The following IL27RA variants were observed in gnomAD, a reference collection of about 807,000 sequenced individuals.
IL27RA encodes the protein interleukin-27 receptor subunit alpha.
A neutral mutation model predicts 80.8 loss-of-function variants in IL27RA; 61 were observed. That is an observed-to-expected ratio of 0.76 (90% CI 0.61 to 0.93). The LOEUF is 0.93. Ranked by LOEUF, IL27RA falls within the 40% of genes least tolerant of loss-of-function variation. The pLI, the probability that IL27RA is intolerant of heterozygous loss-of-function variation, is 0.00. For missense variants in IL27RA, 735 were observed against 808.1 expected, an observed-to-expected ratio of 0.91 and a Z score of 1.10; for synonymous variants, 316 against 332.5, an observed-to-expected ratio of 0.95 and a Z score of 0.54.
Position 14,042,490 on chromosome 19 carries a change from T to C in IL27RA, c.572T>C (p.Val191Ala), listed in dbSNP as rs766367542. ...CTGAAGACCATACCCCTGACCCCTG[T>C]TGAGATCCAAGATTTGGAGCTAGCC... The part of the protein sequence containing the change: ...PELKTIPLTP[V>A]EIQDLELATG... The change falls in exon 5 of 14, where the codon GTT becomes GCT. Residue 191 changes from valine (V) to alanine (A), a missense_variant. Val to Ala is a moderately conservative substitution (Grantham distance 64). Coordinates refer to ENST00000263379, the MANE Select transcript of IL27RA (RefSeq NM_004843.4). 1 of 1,614,178 alleles carries C rather than the reference T, an allele frequency of 6.2e-7. No individual in the cohort carries two copies. The highest frequency in any genetic ancestry group is 8.5e-7 in the Non-Finnish European group (1 of 1,180,022).
chr19:14,037,834 C>CTCTTTTTTTTT (rs77898584), intron 2 of IL27RA, among the ~76,000 whole-genome samples: 11,631 of 127,168 alleles, frequency 0.091, 657 homozygotes, highest in East Asian at 0.22. Flanking sequence ...CTCTCTCTCT[C>CTCTTTTTTTTT]TTTTTTTTTT....
rs74427021 is a variant in IL27RA, at chr19:14,047,961, AT to A, written c.1142-1007del. 4.1e-3 allele frequency among the ~76,000 whole-genome samples: 535 copies of A among 128,936 alleles called. 2 individuals carry two copies. The Middle Eastern group carries it at 0.045, about 11-fold the overall frequency. 84.6% of individuals were successfully genotyped at this position (128,936 alleles called of 152,430 possible). On this transcript the variant is annotated intron_variant, in intron 8 of 13. Coordinates refer to ENST00000263379, the MANE Select transcript of IL27RA (RefSeq NM_004843.4). The stretch of plus-strand genomic sequence containing the variant: ...TCAGGCATGAGCCACCGCACCCGGC[AT>A]TTTTTTTTTTTTAAGAGATGAGTCT...
chr19:14,051,510 C>A, intron 11 of IL27RA, 97 bp from the exon 12 acceptor site: 1 of 608,422 alleles, frequency 1.6e-6, no homozygotes, highest in Non-Finnish European at 2.5e-6. Flanking sequence ...CCACTGCACT[C>A]CAGCCTGGGT....
rs149150973 is a variant in IL27RA at position 14,039,882 on chromosome 19, G to A, written c.506G>A (p.Arg169Gln). The A allele has an allele frequency of 1.1e-5, 17 of 1,613,960 alleles. No individual in the cohort carries two copies. Among genetic ancestry groups the A allele is most frequent in the East Asian group, 2.2e-5 (1 of 44,898 alleles). Residue 169 changes from arginine to glutamine, a missense_variant, in exon 4 of 14, where the codon CGA becomes CAA. Arg to Gln is a conservative substitution (Grantham distance 43). Transcript: ENST00000263379. ...GTTCTGATCTGCCAGTTCCACTACCGAAGATGTCAGGAGGCGGCCTGGACC... is the reference window on the plus strand; with the variant it reads ...GTTCTGATCTGCCAGTTCCACTACCAAAGATGTCAGGAGGCGGCCTGGACC... ...HKVLICQFHY[R>Q]RCQEAAWTLL...
Position 14,032,409 on chromosome 19 carries a change from T to C in IL27RA, c.124T>C (p.Tyr42His), listed in dbSNP as rs770615087. The change falls in exon 2 of 14, where the codon TAC becomes CAC. Residue 42 changes from tyrosine (Y) to histidine (H), a missense_variant. By Grantham distance (83) the Tyr-to-His change is moderately conservative (BLOSUM62 2). Transcript: ENST00000263379. ...AGGCAGCGCCGGGCCACTGCAGTGC[T>C]ACGGAGTTGGACCCTTGGGCGACTT... ...PQGSAGPLQC[Y>H]GVGPLGDLNC... is the part of the protein sequence containing the mutation. The C allele has an allele frequency of 3.1e-6, 5 of 1,613,580 alleles. No homozygotes were observed. Among genetic ancestry groups the C allele is most frequent in the Non-Finnish European group, 4.2e-6 (5 of 1,179,874 alleles).
At position 14,039,646 on chromosome 19, in the gene IL27RA, C is replaced by T. The variant is rs201656454; in HGVS notation, c.357C>T (p.Phe119=). Residue 119 remains phenylalanine, a synonymous_variant, in exon 3 of 14, where the codon TTC becomes TTT. Transcript: ENST00000263379. ...KAGQPLWPPV[F]VNLETQMKPN... ...GCCAGCCTCTCTGGCCCCCCGTCTTCGTGAACCTAGAAACCCAAAGTAACG... is the reference window on the plus strand; with the variant it reads ...GCCAGCCTCTCTGGCCCCCCGTCTTTGTGAACCTAGAAACCCAAAGTAACG... 16 of 1,613,624 alleles carry T rather than the reference C, an allele frequency of 9.9e-6. No individual in the cohort carries two copies. The highest frequency in any genetic ancestry group is 4.0e-5 in the African/African-American group (3 of 74,922).
chr19:14,049,719 T>C (rs1421756905), intron 10 of IL27RA, among the ~76,000 whole-genome samples: 1 of 151,608 alleles, frequency 6.6e-6, no homozygotes, highest in East Asian at 2.0e-4. Context: ...GTAGCTGGGA[T>C]TACAGGCGCA....
At position 14,050,843 on chromosome 19, in the gene IL27RA, A is replaced by G; in HGVS notation, c.1488A>G (p.Gly496=). 3 of 1,613,338 alleles carry G rather than the reference A, an allele frequency of 1.9e-6. No homozygotes were observed. Among genetic ancestry groups the G allele is most frequent in the Non-Finnish European group, 2.5e-6 (3 of 1,179,432 alleles). The change falls in exon 11 of 14, where the codon GGA becomes GGG. Residue 496 remains glycine (G), a synonymous_variant. Coordinates refer to ENST00000263379, the MANE Select transcript of IL27RA (RefSeq NM_004843.4). ...ELWVTASTIA[G]QGPPGPILRL... ...GGGTGACAGCATCTACCATCGCTGG[A>G]CAGGGCCCTCCTGGTCCCATCCTCC...
chr19:14,045,937 A>G (rs1373057365), intron 6 of IL27RA, among the ~76,000 whole-genome samples: 2 of 152,100 alleles, frequency 1.3e-5, no homozygotes, highest in Non-Finnish European at 2.9e-5. Context: ...AGGCAGGAAC[A>G]TCGCTTGAAC....
Position 14,043,245 on chromosome 19 carries a change from G to GGTCA in IL27RA, c.768+458_768+461dup, listed in dbSNP as rs1976018403. Among the ~76,000 whole-genome samples, 4 of 152,160 alleles carry GGTCA rather than the reference G, an allele frequency of 2.6e-5. No individual in the cohort carries two copies. In the South Asian group the frequency reaches 6.2e-4, roughly 24 times the overall value. On this transcript the variant is annotated intron_variant, in intron 6 of 13. Coordinates refer to ENST00000263379, the MANE Select transcript of IL27RA (RefSeq NM_004843.4). ...AGATTCAAGGATGGGTTGCTAAAGT[G>GGTCA]GTCAGCACAGGGTGGGGCATGGAGC...
At chr19:14,032,540 G>T (rs1216233353) in intron 2 of IL27RA, 37 bp downstream of exon 2, 2 of 1,419,560 alleles carry the variant, frequency 1.4e-6, no homozygotes, top group South Asian at 2.3e-5. Flanking sequence ...AACAGGCTTT[G>T]GAGGTGGCCG....
At chr19:14,051,165 G>A (rs1166891461) in intron 11 of IL27RA, among the ~76,000 whole-genome samples, 5 of 152,004 alleles carry the variant, frequency 3.3e-5, no homozygotes, top group Non-Finnish European at 7.4e-5. Context: ...CTCGAGGATC[G>A]CTTGAGCCCA....
In IL27RA at chr19:14,031,772, C is replaced by T; in HGVS notation, c.-101C>T. 1.0e-6 allele frequency: 1 copy of T among 977,778 alleles called. No individual in the cohort carries two copies. Among genetic ancestry groups the T allele is most frequent in the Non-Finnish European group, 1.5e-6 (1 of 678,004 alleles). 60.6% of individuals were successfully genotyped at this position (977,778 alleles called of 1,614,324 possible). ...CGGCCTGCCGGGGTGGTTCGGCTTC[C>T]CGTTGCCGCCTCGGGCGCTGTACCC... On this transcript the variant is annotated 5_prime_UTR_variant, in exon 1 of 14. Coordinates refer to ENST00000263379, the MANE Select transcript of IL27RA (RefSeq NM_004843.4).
chr19:14,049,898 T>C (rs1008524218), intron 10 of IL27RA, among the ~76,000 whole-genome samples: 3 of 151,840 alleles, frequency 2.0e-5, no homozygotes, highest in Non-Finnish European at 4.4e-5. Flanking sequence ...TTTAAAAATA[T>C]ATATAGAAGG....
Position 14,046,189 on chromosome 19 carries a change from C to T in IL27RA, c.804C>T (p.Val268=), listed in dbSNP as rs1188448483. 6.2e-7 allele frequency: 1 copy of T among 1,614,216 alleles called. No individual in the cohort carries two copies. Among genetic ancestry groups the T allele is most frequent in the Non-Finnish European group, 8.5e-7 (1 of 1,180,042 alleles). Residue 268 remains valine, a synonymous_variant, in exon 7 of 14, where the codon GTC becomes GTT. Transcript: ENST00000263379. ...PGPCVQVSYK[V]WFWVGGRELS... Reference sequence around the variant, plus strand: ...CCTGTGTGCAGGTGAGCTACAAAGTCTGGTTCTGGGTTGGAGGTCGTGAGC... The same window carrying T: ...CCTGTGTGCAGGTGAGCTACAAAGTTTGGTTCTGGGTTGGAGGTCGTGAGC...
intron 2 of IL27RA, among the ~76,000 whole-genome samples, chr19:14,037,096 G>A (rs1292949470): frequency 1.3e-5 from 2 of 152,068 alleles, no homozygotes; most frequent in Admixed American, 6.6e-5. Context: ...GCCTCCCAAA[G>A]TGCTGGGATT....
chr19:14,033,940 G>A (rs1975859603), intron 2 of IL27RA, among the ~76,000 whole-genome samples: 1 of 152,124 alleles, frequency 6.6e-6, no homozygotes, highest in Admixed American at 6.6e-5. Flanking sequence ...CTCCAGCCTG[G>A]CCGACAGAGC....
At chr19:14,050,360 G>C (rs759024956) in intron 10 of IL27RA, among the ~76,000 whole-genome samples, 87 of 151,940 alleles carry the variant, frequency 5.7e-4, no homozygotes, top group Non-Finnish European at 5.0e-4. Context: ...AAATTAGCCA[G>C]ATGTGGTGGC....
intron 2 of IL27RA, among the ~76,000 whole-genome samples, chr19:14,034,551 T>C (rs1446747525): frequency 6.6e-6 from 1 of 151,184 alleles, no homozygotes; most frequent in East Asian, 1.9e-4. Context: ...CCCCAGCTAT[T>C]TGGGAGTCTG....
Sources: allele counts gnomAD v4.1 joint callset (sites outside exome capture counted in the v4.1 genomes callset), GRCh38; gene constraint gnomAD v4.1.1; transcripts MANE v1.5; gene names NCBI Gene and HGNC (gene_info 2026-07-23, HGNC 2026-07-21).